The following ADAMTS5 variants were observed in gnomAD, a reference collection of about 807,000 sequenced individuals.
The protein encoded by ADAMTS5 is A disintegrin and metalloproteinase with thrombospondin motifs 5.
Under a neutral mutation model 81.4 loss-of-function variants are expected in ADAMTS5, and 54 were observed. The ratio of observed to expected loss-of-function variants is 0.66; its 90% CI spans 0.53 to 0.83. The LOEUF (loss-of-function observed/expected upper bound fraction) is 0.83. Among genes scored for constraint, ADAMTS5 ranks in the 40% least tolerant of loss-of-function variants. The probability of loss-of-function intolerance (pLI) is 0.00; values close to 1 mark genes in which losing one functional copy is unlikely to be tolerated. For missense variants in ADAMTS5, 1,194 were observed against 1,229.9 expected (o/e 0.97, Z 0.44); for synonymous variants, 532 against 508.8 (o/e 1.05, Z -0.61).
At chr21:26,947,423 T>G (rs1018775864) in intron 2 of ADAMTS5, among the ~76,000 whole-genome samples, 1 of 151,930 alleles carries the variant, frequency 6.6e-6, no homozygotes, top group Non-Finnish European at 1.5e-5. Context: ...TATTTTCTTT[T>G]TTTCTTTTTC....
rs1027586698 is a variant in ADAMTS5 at position 26,947,680 on chromosome 21, C to T, written c.1238-4133G>A. 2.0e-4 allele frequency among the ~76,000 whole-genome samples: 30 copies of T among 152,280 alleles called. No homozygotes were observed. The East Asian group carries it at 5.8e-3, about 29-fold the overall frequency. ...GAACTCCTGACCTCAGTTGATCCAC[C>T]TGTCTTGGCCTCCCAAAGTGCTGGG... On this transcript the variant is annotated intron_variant, in intron 2 of 7. Coordinates refer to ENST00000284987, the MANE Select transcript of ADAMTS5 (RefSeq NM_007038.5).
Position 26,965,723 on chromosome 21 carries a change from C to G in ADAMTS5, c.669G>C (p.Pro223=). 6.3e-7 allele frequency: 1 copy of G among 1,589,428 alleles called. No homozygotes were observed. The highest frequency in any genetic ancestry group is 8.6e-7 in the Non-Finnish European group (1 of 1,169,454). Residue 223 remains proline (P), a synonymous_variant, in exon 1 of 8, where the codon CCG becomes CCC. Coordinates refer to ENST00000284987, the MANE Select transcript of ADAMTS5 (RefSeq NM_007038.5). ...ASTPEAHEHA[P]AHSNPSGRAA... is the part of the protein sequence containing the mutation. ...CGCGTCCGCTCGGGTTGCTGTGCGC[C>G]GGAGCATGCTCGTGGGCCTCCGGTG...
rs1362709384 is a variant in ADAMTS5, at chr21:26,923,134, A to C, written c.*919T>G. The stretch of plus-strand genomic sequence containing the variant: ...CATACATTGTGAGATATCAGATGAA[A>C]GCTCTGGAGAGAGAAAGTAGTTGTG... On this transcript the variant is annotated 3_prime_UTR_variant, in exon 8 of 8. Coordinates refer to ENST00000284987, the MANE Select transcript of ADAMTS5 (RefSeq NM_007038.5). 6.6e-6 allele frequency: 1 copy of C among 152,198 alleles called. No individual in the cohort carries two copies. The highest frequency in any genetic ancestry group is 2.4e-5 in the African/African-American group (1 of 41,446). 9.4% of individuals were successfully genotyped at this position (152,198 alleles called of 1,614,324 possible).
intron 1 of ADAMTS5, 54 bp from the exon 2 acceptor site, chr21:26,954,925 C>G: frequency 6.3e-7 from 1 of 1,599,430 alleles, no homozygotes; most frequent in Non-Finnish European, 8.5e-7. Context: ...CAGAAGGAGC[C>G]GCCACATAGA....
At position 26,943,373 on chromosome 21, in the gene ADAMTS5, T is replaced by A; in HGVS notation, c.1405+7A>T. On this transcript the variant is annotated splice_region_variant and intron_variant, in intron 3 of 7. Transcript: ENST00000284987. ...TCTCAGTCTGTGTTCTCCTAAATGA[T>A]ACATACCATGGCCATCATCCAGGAA... 19 of 1,610,444 alleles carry A rather than the reference T, an allele frequency of 1.2e-5. No homozygotes were observed. The highest frequency in any genetic ancestry group is 1.6e-5 in the Non-Finnish European group (19 of 1,178,444).
intron 2 of ADAMTS5, among the ~76,000 whole-genome samples, chr21:26,943,883 C>T (rs1987163154): frequency 6.6e-6 from 1 of 152,176 alleles, no homozygotes; most frequent in African/African-American, 2.4e-5. Flanking sequence ...TCATAGCCCT[C>T]ACCACGTATC....
chr21:26,919,652 G>A lies in ADAMTS5; in HGVS notation c.*4401C>T, dbSNP rs914200618. The A allele has an allele frequency of 1.3e-5, 2 of 151,820 alleles. No homozygotes were observed. Among genetic ancestry groups the A allele is most frequent in the Admixed American group, 6.6e-5 (1 of 15,188 alleles). The allele number at this position is 151,820 out of a possible 1,614,324, so 9.4% of individuals were successfully genotyped here. On this transcript the variant is annotated 3_prime_UTR_variant, in exon 8 of 8. Transcript: ENST00000284987. ...AATGCATGGTTTTGTATTTCAATATGTTCTCATACATTAAATAAATGAAAC... is the reference window on the plus strand; with the variant it reads ...AATGCATGGTTTTGTATTTCAATATATTCTCATACATTAAATAAATGAAAC...
chr21:26,947,982 A>T lies in ADAMTS5; in HGVS notation c.1238-4435T>A, dbSNP rs369972650. ...CATTGTTAGCTCAGAAATAGCAAAC[A>T]AATCGTCACCTGATAACTTTTCTGG... On this transcript the variant is annotated intron_variant, in intron 2 of 7. Transcript: ENST00000284987. Among the ~76,000 whole-genome samples, 3 of 152,360 alleles carry T rather than the reference A, an allele frequency of 2.0e-5. No homozygotes were observed. The East Asian group carries it at 5.8e-4, about 29-fold the overall frequency.
chr21:26,955,660 G>C (rs1987411970), intron 1 of ADAMTS5, among the ~76,000 whole-genome samples: 1 of 152,130 alleles, frequency 6.6e-6, no homozygotes, highest in African/African-American at 2.4e-5. Flanking sequence ...AGCCTCTTGA[G>C]ATATGAAACA....
At chr21:26,929,692 G>A (rs1986869889) in intron 7 of ADAMTS5, among the ~76,000 whole-genome samples, 194 bp downstream of exon 7, 1 of 152,160 alleles carries the variant, frequency 6.6e-6, no homozygotes, top group Non-Finnish European at 1.5e-5. Context: ...GAGGCAGCAT[G>A]AGTTTTCCCT....
intron 1 of ADAMTS5, among the ~76,000 whole-genome samples, chr21:26,957,936 G>T: frequency 6.6e-6 from 1 of 152,164 alleles, no homozygotes; most frequent in East Asian, 1.9e-4. Context: ...TTTTGAAGCC[G>T]TAATAATACC....
At chr21:26,944,548 G>A (rs1041251331) in intron 2 of ADAMTS5, among the ~76,000 whole-genome samples, 1 of 152,082 alleles carries the variant, frequency 6.6e-6, no homozygotes, top group African/African-American at 2.4e-5. Flanking sequence ...AAACATCTAG[G>A]ACAGTAGTTT....
chr21:26,965,695 C>A lies in ADAMTS5; in HGVS notation c.697G>T (p.Ala233Ser). 1 of 1,582,056 alleles carries A rather than the reference C, an allele frequency of 6.3e-7. No individual in the cohort carries two copies. Among genetic ancestry groups the A allele is most frequent in the East Asian group, 2.3e-5 (1 of 42,784 alleles). ...TGGTCCAAGAGCTGCGAGGCCAGTG[C>A]TGCGCGTCCGCTCGGGTTGCTGTGC... is the stretch of plus-strand genomic sequence containing the variant. ...PAHSNPSGRA[A>S]LASQLLDQSA... The change falls in exon 1 of 8, where the codon GCA becomes TCA. Residue 233 changes from alanine (A) to serine (S), a missense_variant. Ala to Ser is a moderately conservative substitution (Grantham distance 99, BLOSUM62 1). This residue lies in a region of ADAMTS5 where 498 missense variants were observed against 412.3 expected (regional missense o/e 1.21). Transcript: ENST00000284987.
At chr21:26,952,976 A>G (rs531246047) in intron 2 of ADAMTS5, among the ~76,000 whole-genome samples, 36 of 152,370 alleles carry the variant, frequency 2.4e-4, no homozygotes, top group Admixed American at 6.5e-4. Flanking sequence ...TACGCAGTCA[A>G]GCACATACAT....
chr21:26,958,305 T>A (rs533408483), intron 1 of ADAMTS5, among the ~76,000 whole-genome samples: 1 of 152,228 alleles, frequency 6.6e-6, no homozygotes, highest in South Asian at 2.1e-4. Context: ...GCAACTTCTG[T>A]TTCTATAGAT....
intron 2 of ADAMTS5, among the ~76,000 whole-genome samples, chr21:26,953,075 C>A (rs1445348275): frequency 6.6e-6 from 1 of 152,184 alleles, no homozygotes; most frequent in African/African-American, 2.4e-5. Context: ...GACATGATCC[C>A]TACCCTGGAG....
chr21:26,965,438 C>G lies in ADAMTS5; in HGVS notation c.954G>C (p.Val318=), dbSNP rs1484819678. ...ENHIRLAVVK[V]VVLGDKDKSL... is the part of the protein sequence containing the mutation. ...TCTTGTCCTTGTCGCCTAGCACCACCACCTTCACCACGGCCAGGCGGATGT... is the reference window on the plus strand; with the variant it reads ...TCTTGTCCTTGTCGCCTAGCACCACGACCTTCACCACGGCCAGGCGGATGT... The change falls in exon 1 of 8, where the codon GTG becomes GTC. Residue 318 remains valine (V), a synonymous_variant. Transcript: ENST00000284987. The G allele has an allele frequency of 3.1e-6, 5 of 1,614,142 alleles. No homozygotes were observed. Among genetic ancestry groups the G allele is most frequent in the Non-Finnish European group, 4.2e-6 (5 of 1,180,056 alleles).
At chr21:26,952,925 G>C (rs373054836) in intron 2 of ADAMTS5, among the ~76,000 whole-genome samples, 3 of 152,182 alleles carry the variant, frequency 2.0e-5, no homozygotes, top group East Asian at 3.8e-4. Flanking sequence ...GTGCAGATCG[G>C]AATGTTGCCT....
At chr21:26,964,152 TG>T (rs1016874695) in intron 1 of ADAMTS5, among the ~76,000 whole-genome samples, 12 of 152,332 alleles carry the variant, frequency 7.9e-5, no homozygotes, top group Admixed American at 7.8e-4. Context: ...CTATTCTGGA[TG>T]GGTCTCAAAT....
Sources: gnomAD v4.1 joint callset for allele counts (sites outside exome capture counted in the v4.1 genomes callset) on GRCh38, gnomAD v4.1.1 for gene constraint, gnomAD v4.1.1 regional missense constraint, MANE v1.5 for transcripts, NCBI Gene and HGNC (gene_info 2026-07-23, HGNC 2026-07-21) for gene names.